The following KCNB2 variants were observed in gnomAD, a reference collection of about 807,000 sequenced individuals.
KCNB2 encodes potassium voltage-gated channel subfamily B member 2.
Under a neutral mutation model 61.5 loss-of-function variants are expected in KCNB2, and 15 were observed. The observed-to-expected ratio is 0.24, with a 90% confidence interval of 0.16 to 0.38. The LOEUF (loss-of-function observed/expected upper bound fraction) is 0.38, where lower values mean the gene tolerates loss of function less well. KCNB2 is among the 10% of genes least tolerant of loss of function. The probability of loss-of-function intolerance (pLI) is 1.00; values close to 1 mark genes in which losing one functional copy is unlikely to be tolerated. For synonymous variants in KCNB2, 457 were observed against 446.0 expected, an observed-to-expected ratio of 1.02 and a Z score of -0.31; for missense variants, 828 against 1,125.2, an observed-to-expected ratio of 0.74 and a Z score of 3.78.
chr8:72,794,878 G>A (rs1234884557), intron 2 of KCNB2, among the ~76,000 whole-genome samples: 2 of 152,192 alleles, frequency 1.3e-5, no homozygotes, highest in African/African-American at 2.4e-5. Flanking sequence ...ATTTAAAGCA[G>A]AAAGGAATGG....
At chr8:72,566,308 A>T (rs1806624543) in intron 1 of KCNB2, among the ~76,000 whole-genome samples, 1 of 152,230 alleles carries the variant, frequency 6.6e-6, no homozygotes, top group South Asian at 2.1e-4. Flanking sequence ...TGGCAAGGTC[A>T]AATTTGTATC....
intron 2 of KCNB2, among the ~76,000 whole-genome samples, chr8:72,785,725 ACTTTGTCTCCATAAATCC>A: frequency 1.3e-5 from 2 of 152,296 alleles, no homozygotes; most frequent in East Asian, 3.9e-4. Flanking sequence ...AAGCAAAGTA[ACTTTGTCTCCATAAATCC>A]GTTTTTCCTT....
At chr8:72,580,295 T>A (rs1206340862) in intron 2 of KCNB2, among the ~76,000 whole-genome samples, 1 of 152,214 alleles carries the variant, frequency 6.6e-6, no homozygotes, top group Non-Finnish European at 1.5e-5. Flanking sequence ...ATTAATTGTA[T>A]TACAGAGATT....
chr8:72,780,846 A>G (rs982231662), intron 2 of KCNB2, among the ~76,000 whole-genome samples: 2 of 152,206 alleles, frequency 1.3e-5, no homozygotes, highest in African/African-American at 2.4e-5. Flanking sequence ...CCAACAGTGT[A>G]AAAGCATTCC....
chr8:72,932,022 CA>C (rs1257498040), intron 2 of KCNB2, among the ~76,000 whole-genome samples: 1 of 146,978 alleles, frequency 6.8e-6, no homozygotes, highest in African/African-American at 2.5e-5. Flanking sequence ...CAAAAACAAA[CA>C]AACAAAAAAA....
intron 1 of KCNB2, among the ~76,000 whole-genome samples, chr8:72,557,970 G>C (rs1410190452): frequency 6.6e-6 from 1 of 152,134 alleles, no homozygotes; most frequent in African/African-American, 2.4e-5. Flanking sequence ...ATAATAACTG[G>C]TATTATGCTA....
At chr8:72,650,118 T>TA (rs1161886855) in intron 2 of KCNB2, among the ~76,000 whole-genome samples, 8 of 152,192 alleles carry the variant, frequency 5.3e-5, no homozygotes, top group African/African-American at 1.9e-4. Flanking sequence ...CTTACATAGT[T>TA]AATTATTTAA....
chr8:72,595,891 C>T (rs900531247), intron 2 of KCNB2, among the ~76,000 whole-genome samples: 10 of 152,096 alleles, frequency 6.6e-5, no homozygotes, highest in South Asian at 4.1e-4. Flanking sequence ...GCTTTTTTCA[C>T]GGTACAGTGG....
intron 2 of KCNB2, among the ~76,000 whole-genome samples, chr8:72,891,423 G>A (rs1025775551): frequency 6.6e-6 from 1 of 152,078 alleles, no homozygotes; most frequent in African/African-American, 2.4e-5. Context: ...GACTTAGGAG[G>A]GATTAATAGC....
At chr8:72,871,061 C>G (rs1181299929) in intron 2 of KCNB2, among the ~76,000 whole-genome samples, 1 of 152,132 alleles carries the variant, frequency 6.6e-6, no homozygotes, top group African/African-American at 2.4e-5. Context: ...TTCCCCCCAC[C>G]AACGTACTAG....
chr8:72,804,587 C>A (rs1809186612), intron 2 of KCNB2, among the ~76,000 whole-genome samples: 1 of 152,174 alleles, frequency 6.6e-6, no homozygotes. Flanking sequence ...TCCTGGCTTT[C>A]CATACCACCC....
intron 2 of KCNB2, among the ~76,000 whole-genome samples, chr8:72,863,897 G>C (rs550112918): frequency 1.5e-4 from 23 of 152,134 alleles, no homozygotes; most frequent in Non-Finnish European, 3.2e-4. Context: ...CCAGCTACTT[G>C]AGAGGCTGAG....
At chr8:72,609,484 A>G (rs904658761) in intron 2 of KCNB2, among the ~76,000 whole-genome samples, 2 of 152,242 alleles carry the variant, frequency 1.3e-5, no homozygotes, top group Admixed American at 1.3e-4. Context: ...AAATTAGCGT[A>G]ATAGATATCT....
At chr8:72,682,915 A>C (rs980776620) in intron 2 of KCNB2, among the ~76,000 whole-genome samples, 2 of 152,178 alleles carry the variant, frequency 1.3e-5, no homozygotes, top group Non-Finnish European at 2.9e-5. Context: ...CCTAAGGTTG[A>C]ATTCTAATTG....
chr8:72,701,928 A>G (rs1339636745), intron 2 of KCNB2, among the ~76,000 whole-genome samples: 1 of 152,222 alleles, frequency 6.6e-6, no homozygotes, highest in Non-Finnish European at 1.5e-5. Flanking sequence ...TTTGAACATC[A>G]TGTATGTTAT....
chr8:72,817,077 A>T (rs1468291925), intron 2 of KCNB2, among the ~76,000 whole-genome samples: 2 of 152,178 alleles, frequency 1.3e-5, no homozygotes, highest in Non-Finnish European at 2.9e-5. Context: ...GGAAAAGAAA[A>T]CAGCCTTTAG....
intron 2 of KCNB2, among the ~76,000 whole-genome samples, chr8:72,802,990 A>T (rs1809156491): frequency 6.6e-6 from 1 of 152,204 alleles, no homozygotes; most frequent in African/African-American, 2.4e-5. Context: ...AAATGTCCTT[A>T]AAATGTACCA....
chr8:72,558,618 T>G (rs1806463583), intron 1 of KCNB2, among the ~76,000 whole-genome samples: 1 of 152,176 alleles, frequency 6.6e-6, no homozygotes, highest in African/African-American at 2.4e-5. Flanking sequence ...AAGGACTTAA[T>G]TAAACCCGAT....
rs1806125189 is a variant in KCNB2, at chr8:72,537,347, G to GCACCCAC, written c.-630_-624dup. On this transcript the variant is annotated 5_prime_UTR_variant, in exon 1 of 3. Coordinates refer to ENST00000523207, the MANE Select transcript of KCNB2 (RefSeq NM_004770.3). ...TCCGCCACAGACACACACCCACCAAGCACCCACCGCCCTCCGCCCTCCGCC... is the reference window on the plus strand; with the variant it reads ...TCCGCCACAGACACACACCCACCAAGCACCCACCACCCACCGCCCTCCGCCCTCCGCC... 6.7e-6 allele frequency: 1 copy of GCACCCAC among 148,842 alleles called. No homozygotes were observed. Among genetic ancestry groups the GCACCCAC allele is most frequent in the Non-Finnish European group, 1.5e-5 (1 of 67,172 alleles). 9.2% of individuals were successfully genotyped at this position (148,842 alleles called of 1,614,324 possible).
Sources: allele counts gnomAD v4.1 joint callset (sites outside exome capture counted in the v4.1 genomes callset), GRCh38; gene constraint gnomAD v4.1.1; transcripts MANE v1.5; gene names NCBI Gene and HGNC (gene_info 2026-07-23, HGNC 2026-07-21).